Variants in MFGE8 observed in about 807,000 individuals in gnomAD.
The protein encoded by MFGE8 is milk fat globule EGF and factor V/VIII domain containing.
In MFGE8, 34 loss-of-function variants were observed where a neutral mutation model predicts 42.6. The observed-to-expected ratio is 0.80, with a 90% CI of 0.61 to 1.06. The LOEUF is 1.06. MFGE8 is among the 50% of genes least tolerant of loss of function. The pLI, the probability that MFGE8 is intolerant of heterozygous loss-of-function variation, is 0.00. For missense variants in MFGE8, 510 were observed against 516.9 expected (o/e 0.99, Z 0.13); for synonymous variants, 230 against 214.8 (o/e 1.07, Z -0.62).
Position 88,905,906 on chromosome 15 carries a change from C to G in MFGE8, c.541-5G>C, listed in dbSNP as rs3743388. 553,029 of 1,613,488 alleles carry G rather than the reference C, an allele frequency of 0.34. 98,564 individuals carry two copies. Among genetic ancestry groups the G allele is most frequent in the African/African-American group, 0.6 (45,122 of 74,948 alleles). ...GTTCCAGTTACCCACAAACTCCTAGCAGGGAAGGGACAAGACTGGAGAAGG... is the reference window on the plus strand; with the variant it reads ...GTTCCAGTTACCCACAAACTCCTAGGAGGGAAGGGACAAGACTGGAGAAGG... On this transcript the variant is annotated splice_region_variant and splice_polypyrimidine_tract_variant and intron_variant, in intron 4 of 7. Coordinates refer to ENST00000268150, the MANE Select transcript of MFGE8 (RefSeq NM_005928.4). The surrounding 1 kb of genome is among the most constrained non-coding windows in gnomAD (Gnocchi z 6.6).
At chr15:88,910,029 C>T (rs952558567) in intron 1 of MFGE8, 106 bp from the exon 2 acceptor site, 39 of 1,398,826 alleles carry the variant, frequency 2.8e-5, no homozygotes, top group African/African-American at 2.1e-4. Flanking sequence ...CACTCAAACT[C>T]GCCCATTATC....
intron 2 of MFGE8, among the ~76,000 whole-genome samples, chr15:88,909,218 G>A (rs1240149486): frequency 6.6e-6 from 1 of 152,190 alleles, no homozygotes; most frequent in Non-Finnish European, 1.5e-5. Context: ...GTCACACGCG[G>A]ACAGCCCCTC....
rs892086073 is a variant in MFGE8, at chr15:88,902,613, C to T, written c.686-878G>A. 3.3e-5 allele frequency: 5 copies of T among 152,310 alleles called. No individual in the cohort carries two copies. Among genetic ancestry groups the T allele is most frequent in the Non-Finnish European group, 7.3e-5 (5 of 68,092 alleles). 9.4% of individuals were successfully genotyped at this position (152,310 alleles called of 1,614,324 possible). A position where few individuals can be genotyped will look rare whatever the true frequency, so the allele number is the denominator to read the frequency against. ...TCACACAGGCCTGTGAGGGCTGGCC[C>T]GGGAAGCTGGCCTTTGTTTCACTCA... On this transcript the variant is annotated intron_variant, in intron 5 of 7. Transcript: ENST00000268150. This position sits in a 1 kb window ranked among gnomAD's most constrained non-coding sequence, Gnocchi z 4.3.
rs113856050 is a variant in MFGE8 at position 88,909,749 on chromosome 15, G to T, written c.205+43C>A. On this transcript the variant is annotated intron_variant, in intron 2 of 7. Transcript: ENST00000268150. ...TATGCCACCAGGGCTGTGGCTCAGG[G>T]TCTACTGCTAGAAACAGGCAACAAG... is the stretch of plus-strand genomic sequence containing the variant. The T allele has an allele frequency of 3.0e-5, 49 of 1,612,568 alleles. No individual in the cohort carries two copies. The African/African-American group carries it at 5.7e-4, about 19-fold the overall frequency.
rs1898499708 is a variant in MFGE8 at position 88,902,913 on chromosome 15, C to A, written c.686-1178G>T. On this transcript the variant is annotated intron_variant, in intron 5 of 7. Transcript: ENST00000268150. This position sits in a 1 kb window ranked among gnomAD's most constrained non-coding sequence, Gnocchi z 4.3. The stretch of plus-strand genomic sequence containing the variant: ...CCAATACTCTCACCACTCAAGAGTA[C>A]TGGGAGCCAGCTAAGTTATATCACT... The A allele has an allele frequency of 1.3e-5, 2 of 152,260 alleles. No homozygotes were observed. The highest frequency in any genetic ancestry group is 4.1e-4 in the South Asian group (2 of 4,836). 9.4% of individuals were successfully genotyped at this position (152,260 alleles called of 1,614,324 possible).
At chr15:88,909,950 C>T (rs1180321439) in intron 1 of MFGE8, 27 bp from the exon 2 acceptor site, 2 of 1,613,334 alleles carry the variant, frequency 1.2e-6, no homozygotes, top group Non-Finnish European at 1.7e-6. Flanking sequence ...GTAAGATGAG[C>T]AGATGATCAG....
At position 88,901,664 on chromosome 15, in the gene MFGE8, T is replaced by C. The variant is rs1596191097; in HGVS notation, c.757A>G (p.Lys253Glu). The C allele has an allele frequency of 6.2e-7, 1 of 1,613,894 alleles. No individual in the cohort carries two copies. The highest frequency in any genetic ancestry group is 2.2e-5 in the East Asian group (1 of 44,864). ...DKQITASSSY[K>E]TWGLHLFSWN... ...CTGAAGAGATGCAAGCCCCAGGTCTTGTAGCTGCTGGAGGCCGTGATCTGC... is the reference window on the plus strand; with the variant it reads ...CTGAAGAGATGCAAGCCCCAGGTCTCGTAGCTGCTGGAGGCCGTGATCTGC... The change falls in exon 6 of 8, where the codon AAG becomes GAG. Residue 253 changes from lysine to glutamate, a missense_variant. Physicochemically the swap from Lys to Glu is moderately conservative, Grantham distance 56. Transcript: ENST00000268150.
rs1203147147 is a variant in MFGE8 at position 88,907,320 on chromosome 15, C to T, written c.262G>A (p.Ala88Thr). 12 of 1,614,068 alleles carry T rather than the reference C, an allele frequency of 7.4e-6. 1 individual carries two copies. The highest frequency in any genetic ancestry group is 5.0e-5 in the Admixed American group (3 of 60,004). Residue 88 changes from alanine to threonine, a missense_variant, in exon 3 of 8, where the codon GCC (alanine) becomes ACC (threonine). Coordinates refer to ENST00000268150, the MANE Select transcript of MFGE8 (RefSeq NM_005928.4). Reference protein sequence around the residue: ...NGNIANSQIAASSVRVTFLGL... With the variant: ...NGNIANSQIATSSVRVTFLGL... ...AAGAAGGTCACACGCACAGACGAGGCGGCGATCTGTGAGTTGGCAATGTTC... is the reference window on the plus strand; with the variant it reads ...AAGAAGGTCACACGCACAGACGAGGTGGCGATCTGTGAGTTGGCAATGTTC...
chr15:88,911,583 C>T (rs1218659544), intron 1 of MFGE8, among the ~76,000 whole-genome samples: 1 of 152,008 alleles, frequency 6.6e-6, no homozygotes, highest in African/African-American at 2.4e-5. Flanking sequence ...TTAGCCGGGC[C>T]GGGCGTGGTG....
chr15:88,900,860 G>A (rs1332006698), intron 6 of MFGE8: 1 of 581,040 alleles, frequency 1.7e-6, no homozygotes, highest in Non-Finnish European at 2.2e-6. Flanking sequence ...AAGATGCCTG[G>A]GTCATGTCTC....
chr15:88,909,621 TCTAA>T (rs1898861049), intron 2 of MFGE8, among the ~76,000 whole-genome samples, 167 bp downstream of exon 2: 1 of 152,284 alleles, frequency 6.6e-6, no homozygotes, highest in African/African-American at 2.4e-5. Context: ...CCCCCCTCGG[TCTAA>T]CTGAGGCTCT....
chr15:88,909,847 G>T lies in MFGE8; in HGVS notation c.150C>A (p.Phe50Leu), dbSNP rs756076150. ...EISQEVRGDV[F>L]PSYTCTCLKG... ...TAAGGCACGTGCAGGTGTACGAGGGGAAGACATCTCCTCGCACTTCTTGGG... is the reference window on the plus strand; with the variant it reads ...TAAGGCACGTGCAGGTGTACGAGGGTAAGACATCTCCTCGCACTTCTTGGG... The change falls in exon 2 of 8, where the codon TTC becomes TTA. Residue 50 changes from phenylalanine (F) to leucine (L), a missense_variant. By Grantham distance (22) the Phe-to-Leu change is conservative. Coordinates refer to ENST00000268150, the MANE Select transcript of MFGE8 (RefSeq NM_005928.4). The T allele has an allele frequency of 1.2e-6, 2 of 1,614,124 alleles. No individual in the cohort carries two copies. The highest frequency in any genetic ancestry group is 2.7e-5 in the African/African-American group (2 of 74,946).
At position 88,899,550 on chromosome 15, in the gene MFGE8, G is replaced by A. The variant is rs376607967; in HGVS notation, c.1027-18C>T. The A allele has an allele frequency of 1.3e-4, 211 of 1,614,184 alleles. No homozygotes were observed. Among genetic ancestry groups the A allele is most frequent in the Admixed American group, 4.0e-4 (24 of 60,028 alleles). ...GGGAAGATCTAGAGGCAGAGCGGGT[G>A]TCAGGAGGACCCCGAGCCAGCCCCC... On this transcript the variant is annotated intron_variant, in intron 7 of 7. Transcript: ENST00000268150. This position sits in a 1 kb window ranked among gnomAD's most constrained non-coding sequence, Gnocchi z 6.8.
In MFGE8 at chr15:88,913,286, C is replaced by G. The variant is rs983065851; in HGVS notation, c.34G>C (p.Gly12Arg). The G allele has an allele frequency of 2.7e-6, 4 of 1,482,812 alleles. No individual in the cohort carries two copies. The South Asian group carries it at 3.9e-5, about 14-fold the overall frequency. 91.9% of individuals were successfully genotyped at this position (1,482,812 alleles called of 1,614,324 possible). ...PRPRLLAALC[G>R]ALLCAPSLLV... ...AGGCTGGGGGCGCAGAGCAGCGCGC[C>G]GCACAGCGCGGCCAGCAGGCGGGGG... is the stretch of plus-strand genomic sequence containing the variant. The change falls in exon 1 of 8, where the codon GGC (glycine) becomes CGC (arginine). Residue 12 changes from glycine to arginine, a missense_variant. Coordinates refer to ENST00000268150, the MANE Select transcript of MFGE8 (RefSeq NM_005928.4).
intron 2 of MFGE8, 64 bp from the exon 3 acceptor site, chr15:88,907,440 C>A: frequency 6.8e-7 from 1 of 1,479,736 alleles, no homozygotes. Context: ...AGCTGGGACC[C>A]AGCGGACAAG....
At position 88,903,027 on chromosome 15, in the gene MFGE8, T is replaced by G. The variant is rs1284209869; in HGVS notation, c.686-1292A>C. 1 of 152,268 alleles carries G rather than the reference T, an allele frequency of 6.6e-6. No individual in the cohort carries two copies. Among genetic ancestry groups the G allele is most frequent in the Non-Finnish European group, 1.5e-5 (1 of 68,076 alleles). 9.4% of individuals were successfully genotyped at this position (152,268 alleles called of 1,614,324 possible). ...TGGTACCATCATCTCCTGATGGTGATGCACCAGGGAACCACCACCTTCCCC... is the reference window on the plus strand; with the variant it reads ...TGGTACCATCATCTCCTGATGGTGAGGCACCAGGGAACCACCACCTTCCCC... On this transcript the variant is annotated intron_variant, in intron 5 of 7. Coordinates refer to ENST00000268150, the MANE Select transcript of MFGE8 (RefSeq NM_005928.4). This position sits in a 1 kb window ranked among gnomAD's most constrained non-coding sequence, Gnocchi z 4.9.
At position 88,908,301 on chromosome 15, in the gene MFGE8, T is replaced by C. The variant is rs142764149; in HGVS notation, c.206-925A>G. On this transcript the variant is annotated intron_variant, in intron 2 of 7. Transcript: ENST00000268150. ...GGACGAGCTCAGTGTTAGCGCACTC[T>C]GGCAGGGAGGGGAACGCGCAAAGTG... 2.7e-3 allele frequency among the ~76,000 whole-genome samples: 414 copies of C among 152,290 alleles called. 1 individual carries two copies. The highest frequency in any genetic ancestry group is 9.6e-3 in the African/African-American group (401 of 41,560).
In MFGE8 at chr15:88,907,513, C is replaced by T; in HGVS notation, c.206-137G>A. On this transcript the variant is annotated intron_variant, in intron 2 of 7. Coordinates refer to ENST00000268150, the MANE Select transcript of MFGE8 (RefSeq NM_005928.4). ...CCAGGGAGAACCTCAGAGCCTCTCT[C>T]AGAACAAAGACCACAAAGGGACAAT... 4 of 806,210 alleles carry T rather than the reference C, an allele frequency of 5.0e-6. No homozygotes were observed. In the Admixed American group the frequency reaches 6.0e-5, roughly 12 times the overall value. The allele number at this position is 806,210 out of a possible 1,614,324, so 49.9% of individuals were successfully genotyped here.
Position 88,901,637 on chromosome 15 carries a change from A to G in MFGE8, c.784T>C (p.Trp262Arg). 1.9e-6 allele frequency: 3 copies of G among 1,613,888 alleles called. No homozygotes were observed. Among genetic ancestry groups the G allele is most frequent in the Non-Finnish European group, 2.5e-6 (3 of 1,180,006 alleles). ...YKTWGLHLFS[W>R]NPSYARLDKQ... ...TCCAGCCGTGCATAGGAGGGGTTCC[A>G]GCTGAAGAGATGCAAGCCCCAGGTC... Residue 262 changes from tryptophan to arginine, a missense_variant, in exon 6 of 8, where the codon TGG (tryptophan) becomes CGG (arginine). Coordinates refer to ENST00000268150, the MANE Select transcript of MFGE8 (RefSeq NM_005928.4).
Sources: gnomAD v4.1 joint callset for allele counts (sites outside exome capture counted in the v4.1 genomes callset) on GRCh38, gnomAD v4.1.1 for gene constraint, Gnocchi (gnomAD v3.1) non-coding constraint, MANE v1.5 for transcripts, NCBI Gene and HGNC (gene_info 2026-07-23, HGNC 2026-07-21) for gene names.